Variants in RBBP8 observed in about 807,000 individuals in gnomAD.
RBBP8 encodes the protein RB binding protein 8, endonuclease, also known as DNA endonuclease RBBP8.
Under a neutral mutation model 108.3 loss-of-function variants are expected in RBBP8, and 88 were observed. The ratio of observed to expected loss-of-function variants is 0.81; its 90% CI spans 0.68 to 0.97. RBBP8 has a LOEUF of 0.97. Among genes scored for constraint, RBBP8 ranks in the 50% least tolerant of loss-of-function variants. The pLI is 0.00. For synonymous variants in RBBP8, 332 were observed against 348.2 expected (o/e 0.95, Z 0.52); for missense variants, 1,023 against 1,049.0 (o/e 0.98, Z 0.34).
intron 15 of RBBP8, among the ~76,000 whole-genome samples, chr18:23,002,836 G>A (rs1365095387): frequency 3.3e-5 from 5 of 152,062 alleles, no homozygotes; most frequent in Non-Finnish European, 5.9e-5. Flanking sequence ...AGGACAGTAG[G>A]CTTTTGCTTG....
upstream of RBBP8, among the ~76,000 whole-genome samples, chr18:22,931,532 T>A (rs1910030444): frequency 6.6e-6 from 1 of 152,266 alleles, no homozygotes; most frequent in African/African-American, 2.4e-5. Flanking sequence ...CTATTTTTTA[T>A]CCTTTAAAAA....
Position 22,936,970 on chromosome 18 carries a change from T to C in RBBP8, c.109+10T>C. 17 of 1,613,724 alleles carry C rather than the reference T, an allele frequency of 1.1e-5. No homozygotes were observed. Among genetic ancestry groups the C allele is most frequent in the Non-Finnish European group, 1.4e-5 (17 of 1,179,920 alleles). Reference sequence around the variant, plus strand: ...GATAGAGAAGTACAAGGTAAAATCTTTTCTTAAATACTTACAGCAGTATTT... The same window carrying C: ...GATAGAGAAGTACAAGGTAAAATCTCTTCTTAAATACTTACAGCAGTATTT... On this transcript the variant is annotated intron_variant, in intron 2 of 18. Coordinates refer to ENST00000327155, the MANE Select transcript of RBBP8 (RefSeq NM_002894.3).
intron 4 of RBBP8, among the ~76,000 whole-genome samples, chr18:22,967,566 T>C (rs1027673685): frequency 1.3e-5 from 2 of 152,060 alleles, no homozygotes; most frequent in African/African-American, 4.8e-5. Flanking sequence ...CATTTTGGAA[T>C]ATAACTCTTC....
At chr18:22,960,658 C>T (rs1913017617) in intron 4 of RBBP8, among the ~76,000 whole-genome samples, 1 of 152,092 alleles carries the variant, frequency 6.6e-6, no homozygotes, top group African/African-American at 2.4e-5. Flanking sequence ...CGCAGTAGTG[C>T]AATAATAGCT....
At chr18:22,919,587 C>T (rs535537801) in intron 3 of RBBP8, among the ~76,000 whole-genome samples, 25 of 152,080 alleles carry the variant, frequency 1.6e-4, no homozygotes, top group Non-Finnish European at 2.9e-4. Context: ...GAGAGAGTCT[C>T]GCTCTGTCAC....
intron 3 of RBBP8, among the ~76,000 whole-genome samples, chr18:22,922,287 G>A (rs1052851271): frequency 1.3e-5 from 2 of 152,064 alleles, no homozygotes; most frequent in Admixed American, 6.6e-5. Flanking sequence ...TTGAATTTCT[G>A]TTAGAATAAC....
rs371613687 is a variant in RBBP8 at position 22,933,444 on chromosome 18, T to C, written c.-219T>C. The C allele has an allele frequency of 6.5e-6, 1 of 153,966 alleles. No individual in the cohort carries two copies. Among genetic ancestry groups the C allele is most frequent in the African/African-American group, 2.4e-5 (1 of 41,404 alleles). The allele number at this position is 153,966 out of a possible 1,614,324, so 9.5% of individuals were successfully genotyped here. A position where few individuals can be genotyped will look rare whatever the true frequency, so the allele number is the denominator to read the frequency against. On this transcript the variant is annotated 5_prime_UTR_variant, in exon 1 of 19. Coordinates refer to ENST00000327155, the MANE Select transcript of RBBP8 (RefSeq NM_002894.3). Reference sequence around the variant, plus strand: ...AGGGGTCGGCTTTCCCACCGAGGATTTGGCACTCTGGTGAGGGAAAAGGGC... The same window carrying C: ...AGGGGTCGGCTTTCCCACCGAGGATCTGGCACTCTGGTGAGGGAAAAGGGC...
At chr18:22,953,984 G>T (rs2144511031) in intron 4 of RBBP8, among the ~76,000 whole-genome samples, 1 of 152,062 alleles carries the variant, frequency 6.6e-6, no homozygotes, top group South Asian at 2.1e-4. Context: ...GATCTCATGA[G>T]AACTCACTCA....
At chr18:23,023,934 C>T (rs1305624848) in intron 18 of RBBP8, among the ~76,000 whole-genome samples, 1 of 121,390 alleles carries the variant, frequency 8.2e-6, no homozygotes, top group Non-Finnish European at 1.6e-5. Flanking sequence ...GTGCAAATGG[C>T]ACAATCTCGG....
chr18:22,975,497 C>G (rs1914437112), intron 6 of RBBP8, among the ~76,000 whole-genome samples: 1 of 151,922 alleles, frequency 6.6e-6, no homozygotes, highest in African/African-American at 2.4e-5. Flanking sequence ...ATATTTCAAA[C>G]AGATGTTTGA....
chr18:22,965,999 C>T (rs1177599161), intron 4 of RBBP8, among the ~76,000 whole-genome samples: 2 of 152,020 alleles, frequency 1.3e-5, no homozygotes, highest in Admixed American at 6.6e-5. Context: ...CTGTGTCTAC[C>T]ATCCTGGACA....
chr18:22,951,446 G>A (rs1354406223), intron 4 of RBBP8, among the ~76,000 whole-genome samples: 1 of 152,100 alleles, frequency 6.6e-6, no homozygotes, highest in African/African-American at 2.4e-5. Flanking sequence ...ATGTAATTGA[G>A]TAACCACAGG....
chr18:23,015,603 A>G (rs752531562), intron 16 of RBBP8, among the ~76,000 whole-genome samples: 4 of 150,300 alleles, frequency 2.7e-5, no homozygotes, highest in Admixed American at 6.6e-5. Context: ...TCTTACATTT[A>G]GTTCTTTGAC....
At chr18:23,006,472 G>A (rs370545689) in intron 16 of RBBP8, 40 bp downstream of exon 16, 5 of 1,418,206 alleles carry the variant, frequency 3.5e-6, no homozygotes, top group Non-Finnish European at 5.0e-6. Flanking sequence ...GTGACTGGAA[G>A]TACAATAGAG....
In RBBP8 at chr18:22,997,742, C is replaced by G; in HGVS notation, c.2143+8C>G. 6.5e-7 allele frequency: 1 copy of G among 1,538,422 alleles called. No individual in the cohort carries two copies. ...AGGGAGAAAAAAGTTCAAGTAAGAT[C>G]TGTTTTTGTTTTGTTATTTTTTTTA... On this transcript the variant is annotated splice_region_variant and intron_variant, in intron 14 of 18. Coordinates refer to ENST00000327155, the MANE Select transcript of RBBP8 (RefSeq NM_002894.3).
chr18:22,963,968 G>C (rs944712942), intron 4 of RBBP8, among the ~76,000 whole-genome samples: 21 of 152,126 alleles, frequency 1.4e-4, no homozygotes, highest in African/African-American at 3.9e-4. Flanking sequence ...ATTTTTACAT[G>C]TCTGAAAATT....
chr18:23,006,363 C>T lies in RBBP8; in HGVS notation c.2288C>T (p.Thr763Ile). Reference sequence around the variant, plus strand: ...TGTAATGTGCATGTTTTATTTATAGCTCATGGTGATAAACAAGACAAAGTC... The same window carrying T: ...TGTAATGTGCATGTTTTATTTATAGTTCATGGTGATAAACAAGACAAAGTC... ...ELSTATKKLHTHGDKQDKVKQ... is the reference protein window; with the variant it reads ...ELSTATKKLHIHGDKQDKVKQ... Residue 763 changes from threonine to isoleucine, a missense_variant and splice_region_variant, in exon 16 of 19, where the codon ACT (threonine) becomes ATT (isoleucine). Transcript: ENST00000327155. 6 of 1,611,310 alleles carry T rather than the reference C, an allele frequency of 3.7e-6. No individual in the cohort carries two copies. The highest frequency in any genetic ancestry group is 1.1e-5 in the South Asian group (1 of 91,012).
intron 14 of RBBP8, among the ~76,000 whole-genome samples, chr18:22,998,699 A>G (rs2045899222): frequency 6.6e-6 from 1 of 152,258 alleles, no homozygotes. Context: ...ACCTGCTCAG[A>G]GCAAAAAATA....
chr18:22,946,069 C>T (rs1211608733), intron 2 of RBBP8, among the ~76,000 whole-genome samples: 2 of 152,202 alleles, frequency 1.3e-5, no homozygotes, highest in African/African-American at 4.8e-5. Flanking sequence ...GGACTTCCTA[C>T]CACAGTCTAG....
Sources: allele counts gnomAD v4.1 joint callset (sites outside exome capture counted in the v4.1 genomes callset), GRCh38; gene constraint gnomAD v4.1.1; transcripts MANE v1.5; gene names NCBI Gene and HGNC (gene_info 2026-07-23, HGNC 2026-07-21).